Variants in MCM8 observed in about 807,000 individuals in gnomAD.
The protein encoded by MCM8 is minichromosome maintenance 8 homologous recombination repair factor.
A neutral mutation model predicts 98.9 loss-of-function variants in MCM8; 85 were observed. The ratio of observed to expected loss-of-function variants is 0.86; its 90% CI spans 0.72 to 1.03. MCM8 has a LOEUF of 1.03. Ranked by LOEUF, MCM8 falls within the 50% of genes least tolerant of loss-of-function variation. MCM8 has a pLI of 0.00. For missense variants in MCM8, 951 were observed against 997.8 expected (o/e 0.95, Z 0.63); for synonymous variants, 352 against 338.6 (o/e 1.04, Z -0.44).
At chr20:5,965,841 A>G (rs908457819) in intron 8 of MCM8, among the ~76,000 whole-genome samples, 1 of 152,118 alleles carries the variant, frequency 6.6e-6, no homozygotes, top group Non-Finnish European at 1.5e-5. Flanking sequence ...TATGGAATAC[A>G]TGGAATCCAC....
rs141613346 is a variant in MCM8 at position 5,973,964 on chromosome 20, G to A, written c.1395+768G>A. 4.0e-3 allele frequency among the ~76,000 whole-genome samples: 612 copies of A among 152,106 alleles called. 3 individuals carry two copies. The highest frequency in any genetic ancestry group is 0.014 in the African/African-American group (571 of 41,532). On this transcript the variant is annotated intron_variant, in intron 12 of 18. Transcript: ENST00000610722. ...GCCACCACGCTCTGTCCAAAGCAAG[G>A]CAACTGCTGTGATCAGTCATTTGTA...
chr20:5,957,271 A>G (rs772096815), intron 6 of MCM8, 42 bp downstream of exon 6: 1 of 1,422,114 alleles, frequency 7.0e-7, no homozygotes, highest in South Asian at 1.2e-5. Flanking sequence ...AGAATGGGAC[A>G]TTGAAGGCCA....
intron 12 of MCM8, among the ~76,000 whole-genome samples, chr20:5,974,565 A>G (rs1311848973): frequency 6.6e-6 from 1 of 152,216 alleles, no homozygotes; most frequent in African/African-American, 2.4e-5. Flanking sequence ...CTGGCTGCAC[A>G]TCTTAATTAC....
At chr20:5,977,825 ATTAC>A in intron 12 of MCM8, 47 bp from the exon 13 acceptor site, 2 of 1,600,520 alleles carry the variant, frequency 1.2e-6, no homozygotes, top group Non-Finnish European at 1.7e-6. Context: ...GCTGTTAGCT[ATTAC>A]TTCCCTTTTA....
Position 5,993,751 on chromosome 20 carries a change from T to C in MCM8, c.2430+56T>C, listed in dbSNP as rs889686023. 31 of 1,381,160 alleles carry C rather than the reference T, an allele frequency of 2.2e-5. No individual in the cohort carries two copies. In the East Asian group the frequency reaches 3.7e-4, roughly 16 times the overall value. 85.6% of individuals were successfully genotyped at this position (1,381,160 alleles called of 1,614,324 possible). A position where few individuals can be genotyped will look rare whatever the true frequency, so the allele number is the denominator to read the frequency against. On this transcript the variant is annotated intron_variant, in intron 18 of 18. Coordinates refer to ENST00000610722, the MANE Select transcript of MCM8 (RefSeq NM_032485.6). ...TAATTTCAGGAGGTCCTTGTTAATA[T>C]ATAGTAGAACAGAAACAGTTTTTAC... is the stretch of plus-strand genomic sequence containing the variant.
intron 12 of MCM8, among the ~76,000 whole-genome samples, chr20:5,974,052 A>C (rs573619180): frequency 6.6e-6 from 1 of 152,288 alleles, no homozygotes; most frequent in African/African-American, 2.4e-5. Flanking sequence ...CCTGGGTTTT[A>C]TGATGGCTTT....
chr20:5,955,879 A>G (rs975266984), intron 5 of MCM8, among the ~76,000 whole-genome samples: 2 of 151,936 alleles, frequency 1.3e-5, no homozygotes, highest in Non-Finnish European at 2.9e-5. Flanking sequence ...CCCGGGTTCA[A>G]GTGATTCTCT....
At chr20:5,976,051 C>T (rs1476851665) in intron 12 of MCM8, among the ~76,000 whole-genome samples, 1 of 152,102 alleles carries the variant, frequency 6.6e-6, no homozygotes, top group Non-Finnish European at 1.5e-5. Context: ...TGCAGTGGCT[C>T]ATGCCTGTAA....
chr20:5,971,221 G>T (rs1408051813), intron 10 of MCM8, among the ~76,000 whole-genome samples: 1 of 152,176 alleles, frequency 6.6e-6, no homozygotes, highest in African/African-American at 2.4e-5. Context: ...GGAAGTGGGG[G>T]TCAGACATGC....
At chr20:5,987,053 C>T (rs954274707) in intron 16 of MCM8, among the ~76,000 whole-genome samples, 1 of 152,182 alleles carries the variant, frequency 6.6e-6, no homozygotes, top group Non-Finnish European at 1.5e-5. Context: ...TCTCGAACTC[C>T]TGGGCTCAAG....
At chr20:5,973,255 C>A (rs1172458685) in intron 12 of MCM8, 59 bp downstream of exon 12, 1 of 1,597,754 alleles carries the variant, frequency 6.3e-7, no homozygotes, top group Non-Finnish European at 8.6e-7. Context: ...TAATAATTCA[C>A]AAGTGAATTT....
intron 7 of MCM8, among the ~76,000 whole-genome samples, chr20:5,960,426 G>A (rs1600250548): frequency 6.6e-6 from 1 of 152,086 alleles, no homozygotes; most frequent in Non-Finnish European, 1.5e-5. Flanking sequence ...GACTACAGGT[G>A]CCAGCCACTG....
At chr20:5,987,161 T>C in intron 16 of MCM8, 121 bp from the exon 17 acceptor site, 2 of 930,844 alleles carry the variant, frequency 2.1e-6, no homozygotes, top group Non-Finnish European at 3.3e-6. Context: ...CTTTTGATGT[T>C]ATAACCTTCC....
chr20:5,989,118 G>GTTTTTTTTTTTTT (rs1568599607), intron 17 of MCM8, among the ~76,000 whole-genome samples: 2 of 94,420 alleles, frequency 2.1e-5, no homozygotes, highest in Non-Finnish European at 3.7e-5. Context: ...AATAGCGCAA[G>GTTTTTTTTTTTTT]TCTTTTTTTT....
chr20:5,986,483 G>A (rs2089737576), intron 16 of MCM8, among the ~76,000 whole-genome samples: 1 of 152,170 alleles, frequency 6.6e-6, no homozygotes, highest in Non-Finnish European at 1.5e-5. Context: ...GGTATCTTGA[G>A]TATTTTATTT....
At chr20:5,962,132 G>C (rs1356657522) in intron 7 of MCM8, among the ~76,000 whole-genome samples, 3 of 152,158 alleles carry the variant, frequency 2.0e-5, no homozygotes, top group African/African-American at 7.2e-5. Context: ...GTGTGGGCTA[G>C]TTTGGGCTTC....
chr20:5,965,687 C>T (rs1269881306), intron 8 of MCM8, among the ~76,000 whole-genome samples: 1 of 152,122 alleles, frequency 6.6e-6, no homozygotes, highest in Non-Finnish European at 1.5e-5. Flanking sequence ...TTGGAATTAT[C>T]CCACATTTTA....
At chr20:5,993,375 C>A in intron 17 of MCM8, 131 bp from the exon 18 acceptor site, 1 of 558,404 alleles carries the variant, frequency 1.8e-6, no homozygotes, top group East Asian at 2.8e-5. Context: ...CCTCAATAAA[C>A]ACATGTTGAA....
In MCM8 at chr20:5,997,740, A is replaced by C. The variant is rs1285833067; in HGVS notation, c.*3349A>C. On this transcript the variant is annotated 3_prime_UTR_variant, in exon 19 of 19. Transcript: ENST00000610722. Reference sequence around the variant, plus strand: ...TACCTCAGCCTCCTGAGTAGCTGGAACTACAGGAATGCAACACCATGCCCA... The same window carrying C: ...TACCTCAGCCTCCTGAGTAGCTGGACCTACAGGAATGCAACACCATGCCCA... The C allele has an allele frequency of 6.6e-6, 1 of 152,322 alleles. No homozygotes were observed. The highest frequency in any genetic ancestry group is 1.5e-5 in the Non-Finnish European group (1 of 68,114). 9.4% of individuals were successfully genotyped at this position (152,322 alleles called of 1,614,324 possible).
Sources: allele counts gnomAD v4.1 joint callset (sites outside exome capture counted in the v4.1 genomes callset), GRCh38; gene constraint gnomAD v4.1.1; transcripts MANE v1.5; gene names NCBI Gene and HGNC (gene_info 2026-07-23, HGNC 2026-07-21).